The following GRIN2B variants were observed in gnomAD, a reference collection of about 807,000 sequenced individuals.
GRIN2B encodes glutamate ionotropic receptor NMDA type subunit 2B.
In GRIN2B, 5 loss-of-function variants were observed where a neutral mutation model predicts 114.5. The observed-to-expected ratio is 0.04, with a 90% CI of 0.02 to 0.09. The LOEUF (loss-of-function observed/expected upper bound fraction) is 0.09. GRIN2B is among the 10% of genes least tolerant of loss of function. GRIN2B has a pLI of 1.00. For synonymous variants in GRIN2B, 787 were observed against 745.1 expected (o/e 1.06, Z -0.92); for missense variants, 1,108 against 1,943.5 (o/e 0.57, Z 8.08).
chr12:13,662,157 T>C (rs1274555807), intron 5 of GRIN2B, among the ~76,000 whole-genome samples: 1 of 152,166 alleles, frequency 6.6e-6, no homozygotes, highest in Non-Finnish European at 1.5e-5. Context: ...AAATCAAGCA[T>C]AAATATTGTA....
intron 4 of GRIN2B, among the ~76,000 whole-genome samples, chr12:13,706,963 C>T (rs1420002031): frequency 2.0e-5 from 3 of 152,076 alleles, no homozygotes; most frequent in Non-Finnish European, 2.9e-5. Context: ...AATCTCTTTG[C>T]CCAAGCTTGG....
rs145417246 is a variant in GRIN2B, at chr12:13,739,799, G to A, written c.1010+13518C>T. On this transcript the variant is annotated intron_variant, in intron 4 of 13. Coordinates refer to ENST00000609686, the MANE Select transcript of GRIN2B (RefSeq NM_000834.5). ...CCTAAGGATTGAGCCACTAGAGGCC[G>A]CTCTGAGCCAGATTCTCACTAAATC... Among the ~76,000 whole-genome samples, 181 of 152,284 alleles carry A rather than the reference G, an allele frequency of 1.2e-3. 2 individuals are homozygous for A. In the East Asian group the frequency reaches 0.026, roughly 22 times the overall value.
chr12:13,592,619 G>T (rs1223600933), intron 10 of GRIN2B, among the ~76,000 whole-genome samples: 1 of 152,148 alleles, frequency 6.6e-6, no homozygotes, highest in Non-Finnish European at 1.5e-5. Flanking sequence ...AAGTATTGGA[G>T]GAAAGGAAAA....
chr12:13,706,002 A>G (rs576966242), intron 4 of GRIN2B, among the ~76,000 whole-genome samples: 12 of 152,296 alleles, frequency 7.9e-5, no homozygotes, highest in African/African-American at 2.9e-4. Flanking sequence ...AGACATAAGG[A>G]AGAACCTCCC....
At chr12:13,706,940 T>C (rs569076476) in intron 4 of GRIN2B, among the ~76,000 whole-genome samples, 6 of 152,220 alleles carry the variant, frequency 3.9e-5, no homozygotes, top group African/African-American at 1.4e-4. Context: ...CCCCATCTAT[T>C]ATCCCTTGTA....
In GRIN2B at chr12:13,758,998, A is replaced by AGTTT. The variant is rs771891565; in HGVS notation, c.412-5084_412-5083insAAAC. Among the ~76,000 whole-genome samples, 384 of 85,642 alleles carry AGTTT rather than the reference A, an allele frequency of 4.5e-3. 26 individuals carry two copies. Among genetic ancestry groups the AGTTT allele is most frequent in the Middle Eastern group, 0.011 (1 of 90 alleles). 56.2% of individuals were successfully genotyped at this position (85,642 alleles called of 152,430 possible). A position where few individuals can be genotyped will look rare whatever the true frequency, so the allele number is the denominator to read the frequency against. On this transcript the variant is annotated intron_variant, in intron 3 of 13. Coordinates refer to ENST00000609686, the MANE Select transcript of GRIN2B (RefSeq NM_000834.5). ...GAATTTGATGATCTCATCTAGTTCA[A>AGTTT]TTTTTTTTTTTTTTTTTTTTTTTTT...
At chr12:13,799,594 A>T (rs1864470858) in intron 3 of GRIN2B, among the ~76,000 whole-genome samples, 1 of 152,132 alleles carries the variant, frequency 6.6e-6, no homozygotes, top group Non-Finnish European at 1.5e-5. Context: ...GACAAGATTA[A>T]CAAGAAGGTT....
chr12:13,946,287 A>G (rs1232177731), intron 2 of GRIN2B, among the ~76,000 whole-genome samples: 1 of 152,208 alleles, frequency 6.6e-6, no homozygotes. Flanking sequence ...ACATTTTAAA[A>G]TAAAATTACT....
Position 13,698,501 on chromosome 12 carries a change from A to G in GRIN2B, c.1011-22642T>C, listed in dbSNP as rs139368201. Among the ~76,000 whole-genome samples the G allele has an allele frequency of 1.8e-3, 274 of 152,348 alleles. 1 individual carries two copies. The highest frequency in any genetic ancestry group is 6.8e-3 in the Middle Eastern group (2 of 294). The stretch of plus-strand genomic sequence containing the variant: ...GATTTTGAAAAGCCTGGCAGAAAAT[A>G]TTCAAAAAATATAACAGTATTACAT... On this transcript the variant is annotated intron_variant, in intron 4 of 13. Transcript: ENST00000609686.
In GRIN2B at chr12:13,564,170, A is replaced by G. The variant is rs778114438; in HGVS notation, c.3068T>C (p.Leu1023Pro). The stretch of plus-strand genomic sequence containing the variant: ...CTTGGAGGAGGGGAGGCCGATGTCC[A>G]GGGGCTTCTTGCTGATGGACCTGGA... ...TQSRSISKKPLDIGLPSSKHS... is the reference protein window; with the variant it reads ...TQSRSISKKPPDIGLPSSKHS... The change falls in exon 14 of 14, where the codon CTG (leucine) becomes CCG (proline). Residue 1023 changes from leucine to proline, a missense_variant. Leu to Pro is a moderately conservative substitution (Grantham distance 98). This residue lies in a region of GRIN2B where 140 missense variants were observed against 187.5 expected (regional missense o/e 0.75). Coordinates refer to ENST00000609686, the MANE Select transcript of GRIN2B (RefSeq NM_000834.5). This position sits in a 1 kb window ranked among gnomAD's most constrained non-coding sequence, Gnocchi z 4.8. 6.2e-7 allele frequency: 1 copy of G among 1,614,102 alleles called. No individual in the cohort carries two copies. Among genetic ancestry groups the G allele is most frequent in the Non-Finnish European group, 8.5e-7 (1 of 1,180,008 alleles).
chr12:13,650,399 T>C (rs937031831), intron 5 of GRIN2B, among the ~76,000 whole-genome samples: 1 of 151,978 alleles, frequency 6.6e-6, no homozygotes, highest in Non-Finnish European at 1.5e-5. Context: ...CCTGTCCCCA[T>C]AGTAGGGACC....
intron 4 of GRIN2B, among the ~76,000 whole-genome samples, chr12:13,682,610 ATATAT>A (rs1212354727): frequency 6.6e-6 from 1 of 152,170 alleles, no homozygotes; most frequent in Non-Finnish European, 1.5e-5. Flanking sequence ...AGTTAATGAG[ATATAT>A]TAAAGTATCT....
chr12:13,781,637 C>T (rs1380043937), intron 3 of GRIN2B, among the ~76,000 whole-genome samples: 1 of 152,104 alleles, frequency 6.6e-6, no homozygotes, highest in Admixed American at 6.5e-5. Context: ...GTATAATGCA[C>T]CCAGAGGCAA....
At chr12:13,778,427 G>C (rs1471566227) in intron 3 of GRIN2B, among the ~76,000 whole-genome samples, 1 of 152,098 alleles carries the variant, frequency 6.6e-6, no homozygotes, top group Non-Finnish European at 1.5e-5. Flanking sequence ...CCATAAGCAC[G>C]GCACCTTTAA....
intron 4 of GRIN2B, among the ~76,000 whole-genome samples, chr12:13,724,682 C>A (rs1297701582): frequency 1.3e-5 from 2 of 152,046 alleles, no homozygotes; most frequent in African/African-American, 4.8e-5. Flanking sequence ...CTTGTGGGAT[C>A]CAGCACCTGT....
chr12:13,853,598 T>C (rs1304506343), intron 3 of GRIN2B, among the ~76,000 whole-genome samples: 1 of 152,192 alleles, frequency 6.6e-6, no homozygotes, highest in Non-Finnish European at 1.5e-5. Flanking sequence ...AAGCAGGCCT[T>C]TTGCCATGTC....
At chr12:13,939,543 C>CTTTTTTTTTTT (rs59671145) in intron 2 of GRIN2B, among the ~76,000 whole-genome samples, 3 of 88,042 alleles carry the variant, frequency 3.4e-5, no homozygotes, top group Non-Finnish European at 6.0e-5. Flanking sequence ...CTGCACCGTG[C>CTTTTTTTTTTT]TTTTTTTTTT....
chr12:13,978,204 A>T (rs1863061852), intron 2 of GRIN2B, among the ~76,000 whole-genome samples: 1 of 152,132 alleles, frequency 6.6e-6, no homozygotes, highest in South Asian at 2.1e-4. Flanking sequence ...TGCCTTTCTC[A>T]CCCATACCTC....
At chr12:13,862,684 A>G (rs11055650) in intron 3 of GRIN2B, among the ~76,000 whole-genome samples, 3 of 152,040 alleles carry the variant, frequency 2.0e-5, no homozygotes, top group Non-Finnish European at 4.4e-5. Flanking sequence ...CAAAACAAAA[A>G]AAAAACCTGG....
Sources: allele counts gnomAD v4.1 joint callset (sites outside exome capture counted in the v4.1 genomes callset), GRCh38; gene constraint gnomAD v4.1.1; regional missense constraint gnomAD v4.1.1; non-coding constraint Gnocchi (gnomAD v3.1); transcripts MANE v1.5; gene names NCBI Gene and HGNC (gene_info 2026-07-23, HGNC 2026-07-21).